GPATCH8: variants seen among roughly 807,000 people sequenced by gnomAD.
GPATCH8 encodes the protein G-patch domain containing 8, also known as G patch domain-containing protein 8.
GPATCH8 carries 18 observed loss-of-function variants against 118.3 expected under a neutral mutation model. The observed-to-expected ratio is 0.15, with a 90% CI of 0.11 to 0.23. The LOEUF is 0.23. GPATCH8 is among the 10% of genes least tolerant of loss of function. The pLI, the probability that GPATCH8 is intolerant of heterozygous loss-of-function variation, is 1.00. For missense variants in GPATCH8, 1,631 were observed against 1,873.8 expected (o/e 0.87, Z 2.39); for synonymous variants, 659 against 684.7 (o/e 0.96, Z 0.59).
chr17:44,470,020 C>T (rs1275718045), intron 2 of GPATCH8, among the ~76,000 whole-genome samples: 1 of 152,188 alleles, frequency 6.6e-6, no homozygotes. Context: ...GAAGCTTACA[C>T]TACATTTTTA....
chr17:44,461,252 G>T (rs930493716), intron 3 of GPATCH8, among the ~76,000 whole-genome samples: 2 of 152,082 alleles, frequency 1.3e-5, no homozygotes, highest in Non-Finnish European at 2.9e-5. Context: ...CCCAATCATA[G>T]TTCACTGCAT....
At chr17:44,471,721 T>C (rs1967293060) in intron 2 of GPATCH8, among the ~76,000 whole-genome samples, 1 of 152,188 alleles carries the variant, frequency 6.6e-6, no homozygotes, top group Non-Finnish European at 1.5e-5. Flanking sequence ...GCCAGCCATG[T>C]AATTAAATAT....
Position 44,467,833 on chromosome 17 carries a change from C to G in GPATCH8, c.121-3289G>C, listed in dbSNP as rs558026276. On this transcript the variant is annotated intron_variant, in intron 2 of 7. Transcript: ENST00000591680. ...ATGACGGCTAACACAAGGAGGCACA[C>G]CAAAATAATTTATAACAAAGTAAAA... Among the ~76,000 whole-genome samples the G allele has an allele frequency of 8.3e-4, 126 of 152,218 alleles. 1 individual carries two copies. Among genetic ancestry groups the G allele is most frequent in the African/African-American group, 2.8e-3 (116 of 41,528 alleles).
At chr17:44,451,949 A>G (rs184788056) in intron 3 of GPATCH8, among the ~76,000 whole-genome samples, 1 of 152,244 alleles carries the variant, frequency 6.6e-6, no homozygotes, top group Admixed American at 6.5e-5. Flanking sequence ...AGGTTTTGGC[A>G]CCAAGATTCT....
At position 44,399,451 on chromosome 17, in the gene GPATCH8, C is replaced by T. The variant is rs1319876524; in HGVS notation, c.2626G>A (p.Ala876Thr). The change falls in exon 8 of 8, where the codon GCC becomes ACC. Residue 876 changes from alanine (A) to threonine (T), a missense_variant. By Grantham distance (58) the Ala-to-Thr change is moderately conservative (BLOSUM62 0). Coordinates refer to ENST00000591680, the MANE Select transcript of GPATCH8 (RefSeq NM_001002909.4). ...CTATAGCAGCTCTGGTCTGAAGAGG[C>T]ATCTGAGCTACTTGAGTAAGAACGC... Reference protein sequence around the residue: ...SRRSYSSSSDASSDQSCYSRQ... With the variant: ...SRRSYSSSSDTSSDQSCYSRQ... 3.1e-6 allele frequency: 5 copies of T among 1,613,956 alleles called. No individual in the cohort carries two copies. In the Admixed American group the frequency reaches 6.7e-5, roughly 22 times the overall value.
chr17:44,399,185 A>ACTGCTG lies in GPATCH8; in HGVS notation c.2886_2891dup (p.Ser963_Ser964dup). The ACTGCTG allele has an allele frequency of 1.9e-6, 3 of 1,612,444 alleles. No homozygotes were observed. The highest frequency in any genetic ancestry group is 2.5e-6 in the Non-Finnish European group (3 of 1,178,770). ...TCCGCTTGCTTCGACTACGACTACA[A>ACTGCTG]CTGCTGCTGCGGCTGCGGCCCCGGG... is the stretch of plus-strand genomic sequence containing the variant. On this transcript the variant is annotated inframe_insertion, in exon 8 of 8. Coordinates refer to ENST00000591680, the MANE Select transcript of GPATCH8 (RefSeq NM_001002909.4).
chr17:44,435,669 G>T, intron 4 of GPATCH8, among the ~76,000 whole-genome samples: 1 of 146,672 alleles, frequency 6.8e-6, no homozygotes. Flanking sequence ...TGCTTGTCTC[G>T]GCCTCCCACA....
chr17:44,447,776 G>A (rs371281525), intron 3 of GPATCH8, among the ~76,000 whole-genome samples: 1 of 152,058 alleles, frequency 6.6e-6, no homozygotes, highest in Non-Finnish European at 1.5e-5. Context: ...ACAGGCATAA[G>A]CCATCACACC....
chr17:44,488,156 CT>C lies in GPATCH8; in HGVS notation c.46-13254del, dbSNP rs536559462. ...GCCAGGATGGTCTCAATCTCCTGAC[CT>C]CGTGATCCACCTGCCTCGGCCTCCC... is the stretch of plus-strand genomic sequence containing the variant. On this transcript the variant is annotated intron_variant, in intron 1 of 7. Coordinates refer to ENST00000591680, the MANE Select transcript of GPATCH8 (RefSeq NM_001002909.4). Among the ~76,000 whole-genome samples the C allele has an allele frequency of 2.9e-3, 444 of 150,788 alleles. 3 individuals carry two copies. The highest frequency in any genetic ancestry group is 0.011 in the African/African-American group (432 of 41,094).
chr17:44,428,841 A>G (rs2050186430), intron 5 of GPATCH8, among the ~76,000 whole-genome samples: 1 of 151,824 alleles, frequency 6.6e-6, no homozygotes, highest in African/African-American at 2.4e-5. Flanking sequence ...CAGTACTCAT[A>G]GAATATTTAC....
rs549470415 is a variant in GPATCH8, at chr17:44,398,955, G to A, written c.3122C>T (p.Ser1041Leu). 1 of 1,614,148 alleles carries A rather than the reference G, an allele frequency of 6.2e-7. No homozygotes were observed. The highest frequency in any genetic ancestry group is 2.2e-5 in the East Asian group (1 of 44,888). Residue 1041 changes from serine to leucine, a missense_variant, in exon 8 of 8, where the codon TCA (serine) becomes TTA (leucine). By Grantham distance (145) the Ser-to-Leu change is moderately radical. This residue lies in a region of GPATCH8 where 922 missense variants were observed against 879.7 expected (regional missense o/e 1.05). Transcript: ENST00000591680. ...CTTCCCAGGACCTTCTCCCCGGCCTGATCGGAAATAGTGGGGGGACTGGGA... is the reference window on the plus strand; with the variant it reads ...CTTCCCAGGACCTTCTCCCCGGCCTAATCGGAAATAGTGGGGGGACTGGGA... ...YRSQSPHYFR[S>L]GRGEGPGKKD...
Position 44,485,260 on chromosome 17 carries a change from C to T in GPATCH8, c.46-10357G>A, listed in dbSNP as rs114254264. 9.8e-3 allele frequency among the ~76,000 whole-genome samples: 1,497 copies of T among 152,216 alleles called. 17 individuals carry two copies. Among genetic ancestry groups the T allele is most frequent in the African/African-American group, 0.034 (1,418 of 41,524 alleles). ...CTGGGACTACAGGTGCAAGCCACCA[C>T]ACCCGTCTAATGTTTTCATTTAAAA... is the stretch of plus-strand genomic sequence containing the variant. On this transcript the variant is annotated intron_variant, in intron 1 of 7. Coordinates refer to ENST00000591680, the MANE Select transcript of GPATCH8 (RefSeq NM_001002909.4).
chr17:44,411,683 T>C (rs1352415468), intron 6 of GPATCH8, among the ~76,000 whole-genome samples: 1 of 152,188 alleles, frequency 6.6e-6, no homozygotes, highest in African/African-American at 2.4e-5. Context: ...ATCCATGGCG[T>C]CTTTCCCTCA....
intron 1 of GPATCH8, among the ~76,000 whole-genome samples, chr17:44,495,286 A>G (rs1969578238): frequency 1.3e-5 from 2 of 152,186 alleles, no homozygotes; most frequent in African/African-American, 2.4e-5. Context: ...GTGAGCTGAG[A>G]TCATGCCACT....
intron 3 of GPATCH8, among the ~76,000 whole-genome samples, chr17:44,440,707 C>G (rs1425868237): frequency 2.0e-5 from 3 of 152,206 alleles, no homozygotes; most frequent in Non-Finnish European, 2.9e-5. Context: ...ACACAAAAAC[C>G]CACTGATTAT....
At chr17:44,465,257 C>T (rs1012209200) in intron 2 of GPATCH8, 1 of 151,976 alleles carries the variant, frequency 6.6e-6, no homozygotes, top group Non-Finnish European at 1.5e-5. Flanking sequence ...AACAAAAATG[C>T]TAAGATGTTA....
At chr17:44,434,191 G>A (rs2050418246) in intron 5 of GPATCH8, among the ~76,000 whole-genome samples, 1 of 151,474 alleles carries the variant, frequency 6.6e-6, no homozygotes, top group Admixed American at 6.6e-5. Context: ...TGATTTATTG[G>A]ATTTAGCAAA....
intron 6 of GPATCH8, among the ~76,000 whole-genome samples, chr17:44,418,720 G>C (rs1394778886): frequency 6.6e-6 from 1 of 152,096 alleles, no homozygotes; most frequent in Non-Finnish European, 1.5e-5. Flanking sequence ...CAAAGTGCTG[G>C]GATTACAGGC....
At chr17:44,444,008 A>G (rs2050787777) in intron 3 of GPATCH8, among the ~76,000 whole-genome samples, 3 of 152,216 alleles carry the variant, frequency 2.0e-5, no homozygotes, top group African/African-American at 7.2e-5. Flanking sequence ...TTTCTAAGGC[A>G]CACAAGTTTA....
Sources: allele counts gnomAD v4.1 joint callset (sites outside exome capture counted in the v4.1 genomes callset), GRCh38; gene constraint gnomAD v4.1.1; regional missense constraint gnomAD v4.1.1; transcripts MANE v1.5; gene names NCBI Gene and HGNC (gene_info 2026-07-23, HGNC 2026-07-21).